The following SLC44A1 variants were observed in gnomAD, a reference collection of about 807,000 sequenced individuals.
The protein encoded by SLC44A1 is solute carrier family 44 member 1, also known as choline transporter-like protein 1.
SLC44A1 carries 26 observed loss-of-function variants against 79.3 expected under a neutral mutation model. The observed-to-expected ratio is 0.33, with a 90% CI of 0.24 to 0.46. The LOEUF (loss-of-function observed/expected upper bound fraction) is 0.46, where lower values mean the gene tolerates loss of function less well. SLC44A1 is among the 20% of genes least tolerant of loss of function. The pLI is 1.00. For missense variants in SLC44A1, 688 were observed against 798.1 expected (o/e 0.86, Z 1.66); for synonymous variants, 263 against 286.2 (o/e 0.92, Z 0.82).
rs1564452605 is a variant in SLC44A1, at chr9:105,351,577, A to G, written c.500+3126A>G. The stretch of plus-strand genomic sequence containing the variant: ...GAAAGAGAGAAAGAGAGAAAGAGAG[A>G]AAGAGAGAAAGAGAGAAAGAGAAAG... On this transcript the variant is annotated intron_variant, in intron 5 of 15. Transcript: ENST00000374720. 5.1e-4 allele frequency among the ~76,000 whole-genome samples: 63 copies of G among 123,036 alleles called. 1 individual carries two copies. The highest frequency in any genetic ancestry group is 7.3e-4 in the African/African-American group (19 of 25,914). 80.7% of individuals were successfully genotyped at this position (123,036 alleles called of 152,430 possible).
At chr9:105,338,306 C>A (rs1826984389) in intron 4 of SLC44A1, among the ~76,000 whole-genome samples, 1 of 140,310 alleles carries the variant, frequency 7.1e-6, no homozygotes, top group African/African-American at 3.2e-5. Flanking sequence ...AAAACTAGAC[C>A]TGGTAATAAG....
At chr9:105,266,113 G>A (rs534245660) in intron 1 of SLC44A1, among the ~76,000 whole-genome samples, 37 of 152,096 alleles carry the variant, frequency 2.4e-4, no homozygotes, top group African/African-American at 8.0e-4. Context: ...GTGTGCCACC[G>A]TACCTGGCTA....
chr9:105,251,835 CT>C (rs1362261237), intron 1 of SLC44A1, among the ~76,000 whole-genome samples: 1 of 152,186 alleles, frequency 6.6e-6, no homozygotes, highest in African/African-American at 2.4e-5. Context: ...TAGGCCATGT[CT>C]CCTCATTAAA....
intron 1 of SLC44A1, among the ~76,000 whole-genome samples, chr9:105,267,841 G>A (rs1188569076): frequency 1.3e-5 from 2 of 152,138 alleles, no homozygotes; most frequent in East Asian, 3.9e-4. Context: ...GTATGGGATT[G>A]TTGGCTGTGG....
At chr9:105,288,834 A>G (rs2131268259) in intron 1 of SLC44A1, among the ~76,000 whole-genome samples, 2 of 152,366 alleles carry the variant, frequency 1.3e-5, no homozygotes, top group Admixed American at 1.3e-4. Context: ...TAGAAATATA[A>G]TGAGAGAGGT....
intron 1 of SLC44A1, among the ~76,000 whole-genome samples, chr9:105,247,779 T>C (rs555880124): frequency 6.6e-6 from 1 of 152,322 alleles, no homozygotes; most frequent in Non-Finnish European, 1.5e-5. Context: ...TGTAGACATA[T>C]ATTTGAACCT....
At chr9:105,345,428 A>G (rs1221608146) in intron 4 of SLC44A1, among the ~76,000 whole-genome samples, 2 of 152,200 alleles carry the variant, frequency 1.3e-5, no homozygotes, top group African/African-American at 4.8e-5. Flanking sequence ...GTATCTGTAG[A>G]ACGTATGTTT....
At chr9:105,313,979 G>A (rs1387846458) in intron 3 of SLC44A1, among the ~76,000 whole-genome samples, 10 of 152,086 alleles carry the variant, frequency 6.6e-5, no homozygotes, top group Non-Finnish European at 8.8e-5. Flanking sequence ...GCCCAGGCTG[G>A]TCTCGAACTC....
At chr9:105,299,376 T>C in intron 2 of SLC44A1, 67 bp downstream of exon 2, 1 of 1,066,552 alleles carries the variant, frequency 9.4e-7, no homozygotes, top group Non-Finnish European at 1.3e-6. Context: ...GTAGTTGTTT[T>C]AATGAGGGCA....
At chr9:105,382,197 C>T (rs1018154567) in intron 13 of SLC44A1, among the ~76,000 whole-genome samples, 4 of 151,818 alleles carry the variant, frequency 2.6e-5, no homozygotes, top group South Asian at 2.1e-4. Context: ...CTACTCAGGT[C>T]GGGTGGCATC....
downstream of SLC44A1, among the ~76,000 whole-genome samples, chr9:105,401,540 A>G (rs1471458513): frequency 1.3e-5 from 2 of 152,136 alleles, no homozygotes; most frequent in East Asian, 3.8e-4. Context: ...GGATTTTTTT[A>G]TTATTATTAG....
intron 15 of SLC44A1, among the ~76,000 whole-genome samples, chr9:105,413,358 C>T (rs1404352132): frequency 1.3e-5 from 2 of 152,198 alleles, no homozygotes; most frequent in South Asian, 2.1e-4. Context: ...GAGATATAAG[C>T]TGAAGAATAC....
At chr9:105,368,211 T>A (rs1406299886) in intron 12 of SLC44A1, among the ~76,000 whole-genome samples, 2 of 151,994 alleles carry the variant, frequency 1.3e-5, no homozygotes, top group Non-Finnish European at 2.9e-5. Flanking sequence ...TTTTTTTTTT[T>A]TACAGATTTT....
At chr9:105,288,756 T>C (rs1340226542) in intron 1 of SLC44A1, among the ~76,000 whole-genome samples, 1 of 152,242 alleles carries the variant, frequency 6.6e-6, no homozygotes, top group Non-Finnish European at 1.5e-5. Flanking sequence ...TTAACCAATG[T>C]TATCAGCGTT....
intron 1 of SLC44A1, among the ~76,000 whole-genome samples, chr9:105,268,441 A>G (rs1401838692): frequency 6.6e-6 from 1 of 152,180 alleles, no homozygotes; most frequent in Admixed American, 6.6e-5. Context: ...GTATTCAGTT[A>G]GTCAACATTT....
chr9:105,283,787 A>G (rs1042351001), intron 1 of SLC44A1, among the ~76,000 whole-genome samples: 1 of 152,162 alleles, frequency 6.6e-6, no homozygotes, highest in African/African-American at 2.4e-5. Context: ...GTCTGTATAT[A>G]TTCTTCCCAA....
In SLC44A1 at chr9:105,408,690, C is replaced by T. The variant is rs111264282; in HGVS notation, c.1950+23188C>T. 6.9e-3 allele frequency among the ~76,000 whole-genome samples: 1,046 copies of T among 152,224 alleles called. 13 individuals carry two copies. The highest frequency in any genetic ancestry group is 0.023 in the African/African-American group (965 of 41,542). On this transcript the variant is annotated intron_variant, in intron 15 of 15. Coordinates refer to the SLC44A1 transcript ENST00000374724. The stretch of plus-strand genomic sequence containing the variant: ...CTTCCCAAAGTGCTGGGATTACAGG[C>T]GTGAGCCACCGCACCCGGCCTGTCA...
At chr9:105,256,858 G>A (rs1829721006) in intron 1 of SLC44A1, among the ~76,000 whole-genome samples, 1 of 151,066 alleles carries the variant, frequency 6.6e-6, no homozygotes, top group African/African-American at 2.4e-5. Flanking sequence ...CGTGATCTCA[G>A]CTCACTTTAA....
At chr9:105,338,953 A>G (rs541115829) in intron 4 of SLC44A1, among the ~76,000 whole-genome samples, 63 of 152,346 alleles carry the variant, frequency 4.1e-4, no homozygotes, top group African/African-American at 1.3e-3. Flanking sequence ...AGGTCCATGA[A>G]AGAGCCTAAA....
Sources: gnomAD v4.1 joint callset for allele counts (sites outside exome capture counted in the v4.1 genomes callset) on GRCh38, gnomAD v4.1.1 for gene constraint, MANE v1.5 for transcripts, NCBI Gene and HGNC (gene_info 2026-07-23, HGNC 2026-07-21) for gene names.